The following BBIP1 variants were observed in gnomAD, a reference collection of about 807,000 sequenced individuals.
BBIP1 encodes BBSome-interacting protein 1.
A neutral mutation model predicts 8.9 loss-of-function variants in BBIP1; 6 were observed. The ratio of observed to expected loss-of-function variants is 0.67; its 90% CI spans 0.37 to 1.33. The LOEUF (loss-of-function observed/expected upper bound fraction) is 1.33. Among genes scored for constraint, BBIP1 ranks in the 40% most tolerant of loss-of-function variants. BBIP1 has a pLI of 0.02. For missense variants in BBIP1, 111 were observed against 109.2 expected (o/e 1.02, Z -0.07); for synonymous variants, 32 against 33.4 (o/e 0.96, Z 0.14).
At chr10:110,904,716 G>A (rs568595737) in intron 2 of BBIP1, 1 of 152,284 alleles carries the variant, frequency 6.6e-6, no homozygotes, top group Admixed American at 6.5e-5. Context: ...GTTCATTAAA[G>A]CATTGTGTTG....
chr10:110,913,437 T>C (rs1234081489), intron 2 of BBIP1, among the ~76,000 whole-genome samples: 3 of 152,242 alleles, frequency 2.0e-5, no homozygotes, highest in Non-Finnish European at 4.4e-5. Flanking sequence ...GACAGCATGA[T>C]CTATTTAAAG....
intron 2 of BBIP1, among the ~76,000 whole-genome samples, chr10:110,912,518 T>C (rs1846303067): frequency 6.6e-6 from 1 of 152,140 alleles, no homozygotes; most frequent in African/African-American, 2.4e-5. Flanking sequence ...ATCTGGAAAA[T>C]GTAAGCTGTG....
intron 2 of BBIP1, chr10:110,907,566 C>A (rs35793075): frequency 6.3e-5 from 29 of 457,118 alleles, no homozygotes; most frequent in South Asian, 3.7e-4. Context: ...AAAGAGGAGA[C>A]AGGAAATGAG....
intron 2 of BBIP1, chr10:110,903,311 T>C (rs1333048424): frequency 6.6e-6 from 1 of 152,250 alleles, no homozygotes; most frequent in Non-Finnish European, 1.5e-5. Context: ...ACAAAAACAA[T>C]GAAACTTGGT....
At chr10:110,904,963 G>T (rs1187071524) in intron 2 of BBIP1, 1 of 152,162 alleles carries the variant, frequency 6.6e-6, no homozygotes, top group African/African-American at 2.4e-5. Flanking sequence ...ATCATTTTTT[G>T]AAGGCCTTGG....
At chr10:110,901,683 G>T in intron 2 of BBIP1, 71 bp from the exon 3 acceptor site, 3 of 1,206,850 alleles carry the variant, frequency 2.5e-6, no homozygotes, top group Non-Finnish European at 3.5e-6. Context: ...TTCCATTGTA[G>T]TTTAAGAAGT....
Position 110,899,735 on chromosome 10 carries a change from T to A in BBIP1, c.*625A>T, listed in dbSNP as rs1247026005. On this transcript the variant is annotated 3_prime_UTR_variant, in exon 4 of 4. Coordinates refer to ENST00000448814, the MANE Select transcript of BBIP1 (RefSeq NM_001195305.3). Reference sequence around the variant, plus strand: ...TTGCTTGAACCTGGGAGGCAGAGGTTGCAGTGAGTCGAGATGGTGCCATTG... The same window carrying A: ...TTGCTTGAACCTGGGAGGCAGAGGTAGCAGTGAGTCGAGATGGTGCCATTG... 1.3e-5 allele frequency: 2 copies of A among 151,446 alleles called. No individual in the cohort carries two copies. Among genetic ancestry groups the A allele is most frequent in the African/African-American group, 4.9e-5 (2 of 41,002 alleles). The allele number at this position is 151,446 out of a possible 1,614,324, so 9.4% of individuals were successfully genotyped here. A position where few individuals can be genotyped will look rare whatever the true frequency, so the allele number is the denominator to read the frequency against.
rs1436694386 is a variant in BBIP1 at position 110,898,869 on chromosome 10, T to G, written c.*1491A>C. 6.6e-6 allele frequency: 1 copy of G among 152,516 alleles called. No individual in the cohort carries two copies. Among genetic ancestry groups the G allele is most frequent in the Non-Finnish European group, 1.5e-5 (1 of 68,008 alleles). The allele number at this position is 152,516 out of a possible 1,614,324, so 9.4% of individuals were successfully genotyped here. ...ATCTTAGTGTTCCCTTGAAAACTTT[T>G]TTTCCCTACAAAATTTTAAGTGAAA... On this transcript the variant is annotated 3_prime_UTR_variant, in exon 4 of 4. Coordinates refer to ENST00000448814, the MANE Select transcript of BBIP1 (RefSeq NM_001195305.3).
Position 110,917,837 on chromosome 10 carries a change from AT to A in BBIP1, c.37+283del, listed in dbSNP as rs1846458953. Reference sequence around the variant, plus strand: ...TAAAAACATAAGCGCTATTATATATATATAACATACTGATTGTCATAAAAGA... The same window carrying A: ...TAAAAACATAAGCGCTATTATATATAATAACATACTGATTGTCATAAAAGA... On this transcript the variant is annotated intron_variant, in intron 2 of 3. Transcript: ENST00000448814. 6.3e-6 allele frequency: 3 copies of A among 474,468 alleles called. No individual in the cohort carries two copies. In the South Asian group the frequency reaches 7.0e-5, roughly 11 times the overall value. The allele number at this position is 474,468 out of a possible 1,614,324, so 29.4% of individuals were successfully genotyped here. A position where few individuals can be genotyped will look rare whatever the true frequency, so the allele number is the denominator to read the frequency against.
At chr10:110,903,578 T>G (rs556527862) in intron 2 of BBIP1, 1 of 152,360 alleles carries the variant, frequency 6.6e-6, no homozygotes, top group African/African-American at 2.4e-5. Flanking sequence ...GGGCTACACT[T>G]TGTTGATAAT....
chr10:110,900,383 C>G lies in BBIP1; in HGVS notation c.256G>C (p.Asp86His). Residue 86 changes from aspartate to histidine, a missense_variant, in exon 4 of 4, where the codon GAT (aspartate) becomes CAT (histidine). Asp to His is a moderately conservative substitution (Grantham distance 81). Transcript: ENST00000448814. ...ATTCAGTGGGTTATTTGCCGTTGAT[C>G]CTTTTCTGCCATTTCTTGTTGGCGA... ...TIRQQEMAEK[D>H]QRQITH The G allele has an allele frequency of 6.5e-7, 1 of 1,535,104 alleles. No homozygotes were observed. Among genetic ancestry groups the G allele is most frequent in the Non-Finnish European group, 8.7e-7 (1 of 1,146,768 alleles).
At chr10:110,907,793 T>C (rs1846182770) in intron 2 of BBIP1, 1 of 701,740 alleles carries the variant, frequency 1.4e-6, no homozygotes, top group African/African-American at 1.7e-5. Flanking sequence ...GAGATGTTAA[T>C]GGACTTTCTG....
At position 110,900,565 on chromosome 10, in the gene BBIP1, T is replaced by C. The variant is rs943772201; in HGVS notation, c.113-39A>G. On this transcript the variant is annotated intron_variant, in intron 3 of 3. Coordinates refer to ENST00000448814, the MANE Select transcript of BBIP1 (RefSeq NM_001195305.3). ...GAAATAAGAATTAATTCAAGAAAGA[T>C]AACCCAGTTGTTTGTAGTTGGATTT... The C allele has an allele frequency of 2.0e-5, 29 of 1,458,470 alleles. No individual in the cohort carries two copies. The Admixed American group carries it at 7.1e-4, about 36-fold the overall frequency. 90.3% of individuals were successfully genotyped at this position (1,458,470 alleles called of 1,614,324 possible).
chr10:110,913,644 C>A (rs1003580169), intron 2 of BBIP1, among the ~76,000 whole-genome samples: 2 of 152,202 alleles, frequency 1.3e-5, no homozygotes, highest in African/African-American at 4.8e-5. Context: ...ATCAAGGCAA[C>A]AGAAGCTTGT....
intron 2 of BBIP1, chr10:110,907,515 GAA>G (rs34559519): frequency 4.4e-3 from 1,594 of 359,492 alleles, no homozygotes; most frequent in South Asian, 7.2e-3. Context: ...CTTGTCTCAA[GAA>G]AAAAAAAAAA....
chr10:110,900,637 A>ACTCTTGTAC, intron 3 of BBIP1, 111 bp from the exon 4 acceptor site: 1 of 875,410 alleles, frequency 1.1e-6, no homozygotes, highest in Non-Finnish European at 1.7e-6. Flanking sequence ...TCACTGAAAA[A>ACTCTTGTAC]CTCTTGTACC....
chr10:110,911,224 T>C (rs922196009), intron 2 of BBIP1: 2 of 152,152 alleles, frequency 1.3e-5, no homozygotes, highest in Non-Finnish European at 1.5e-5. Context: ...CTTATTAACA[T>C]GTATTAGTTA....
chr10:110,908,611 T>C (rs1846199126), intron 2 of BBIP1, among the ~76,000 whole-genome samples: 1 of 152,062 alleles, frequency 6.6e-6, no homozygotes, highest in African/African-American at 2.4e-5. Context: ...CATAATGCAA[T>C]ATAAGTTCTA....
chr10:110,906,761 T>C (rs1488217429), intron 2 of BBIP1: 2 of 152,228 alleles, frequency 1.3e-5, no homozygotes, highest in Non-Finnish European at 2.9e-5. Context: ...GGTTTCACCA[T>C]GTTGGCCAGG....
Sources: gnomAD v4.1 joint callset for allele counts (sites outside exome capture counted in the v4.1 genomes callset) on GRCh38, gnomAD v4.1.1 for gene constraint, MANE v1.5 for transcripts, NCBI Gene and HGNC (gene_info 2026-07-23, HGNC 2026-07-21) for gene names.